IRAG2: variants seen among roughly 807,000 people sequenced by gnomAD.
IRAG2 encodes the protein lymphoid restricted membrane protein.
A neutral mutation model predicts 69.9 loss-of-function variants in IRAG2; 45 were observed. The observed-to-expected ratio is 0.64, with a 90% CI of 0.51 to 0.83. IRAG2 has a LOEUF of 0.83. Ranked by LOEUF, IRAG2 falls within the 40% of genes least tolerant of loss-of-function variation. IRAG2 has a pLI of 0.00. For synonymous variants in IRAG2, 193 were observed against 202.4 expected (o/e 0.95, Z 0.40); for missense variants, 520 against 587.0 (o/e 0.89, Z 1.18).
intron 11 of IRAG2, 46 bp from the exon 12 acceptor site, chr12:25,089,568 A>G (rs751928216): frequency 4.3e-5 from 50 of 1,165,086 alleles, no homozygotes; most frequent in Non-Finnish European, 5.8e-5. Flanking sequence ...GTGCTTTTAC[A>G]GGTCAAGCCT....
At chr12:25,069,580 A>G in intron 6 of IRAG2, 149 bp downstream of exon 6, 1 of 669,304 alleles carries the variant, frequency 1.5e-6, no homozygotes, top group South Asian at 2.1e-5. Flanking sequence ...CAAAACTCAG[A>G]TGCATGAGAA....
chr12:25,008,713 TG>T (rs1216970977), intron 2 of IRAG2, among the ~76,000 whole-genome samples: 1 of 152,196 alleles, frequency 6.6e-6, no homozygotes, highest in Non-Finnish European at 1.5e-5. Flanking sequence ...CACTCCAGCC[TG>T]GGAGACAAAG....
intron 16 of IRAG2, among the ~76,000 whole-genome samples, chr12:25,038,680 T>C (rs1944723259): frequency 1.3e-5 from 2 of 151,746 alleles, no homozygotes; most frequent in South Asian, 4.2e-4. Context: ...GTATACTGAG[T>C]TATTTTTTCC....
At chr12:25,076,431 G>C (rs1946693491) in intron 6 of IRAG2, 1 of 982,020 alleles carries the variant, frequency 1.0e-6, no homozygotes, top group Admixed American at 6.2e-5. Context: ...TAGGGCAAAT[G>C]AGACTGATAT....
At chr12:25,065,793 C>G (rs1010697708) in intron 4 of IRAG2, among the ~76,000 whole-genome samples, 1 of 152,210 alleles carries the variant, frequency 6.6e-6, no homozygotes, top group Non-Finnish European at 1.5e-5. Flanking sequence ...CCTTAGCCCC[C>G]CAAGTAGCTG....
At chr12:25,035,824 T>A (rs908668471) in intron 14 of IRAG2, 1 of 398,748 alleles carries the variant, frequency 2.5e-6, no homozygotes, top group Non-Finnish European at 4.4e-6. Context: ...GTGTTCCGTT[T>A]TGGCTGGCAA....
rs1944417804 is a variant in IRAG2, at chr12:25,004,705, A to T, written c.364A>T (p.Lys122Ter). ...TCTCACAAGTTCTGAAAACGTCTCA[A>T]AGCCGAAGTCACAGAGCAACAAGAA... is the stretch of plus-strand genomic sequence containing the variant. Residue 122 changes from lysine to a stop codon, truncating the protein, a stop_gained, in exon 1 of 39, where the codon AAG becomes TAG. Transcript: ENST00000636465. LOFTEE classifies it high-confidence loss of function. 1.6e-5 allele frequency: 20 copies of T among 1,232,162 alleles called. No individual in the cohort carries two copies. The highest frequency in any genetic ancestry group is 2.0e-5 in the Non-Finnish European group (20 of 987,948). 76.3% of individuals were successfully genotyped at this position (1,232,162 alleles called of 1,614,324 possible). A position where few individuals can be genotyped will look rare whatever the true frequency, so the allele number is the denominator to read the frequency against.
In IRAG2 at chr12:25,088,184, T is replaced by A. The variant is rs753379281; in HGVS notation, c.373+27T>A. The A allele has an allele frequency of 9.5e-6, 15 of 1,572,092 alleles. No individual in the cohort carries two copies. In the East Asian group the frequency reaches 3.4e-4, roughly 35 times the overall value. ...TAAGGAATGTTTCTTTCAATCCCCA[T>A]GTGAACTTTTGTTCTCTGCTGATAT... On this transcript the variant is annotated intron_variant, in intron 11 of 21. Coordinates refer to ENST00000556887, the MANE Select transcript of IRAG2 (RefSeq NM_001366544.2).
chr12:25,015,158 T>C, intron 3 of IRAG2: 1 of 858,310 alleles, frequency 1.2e-6, no homozygotes, highest in East Asian at 5.6e-5. Flanking sequence ...TGGTTTTGTT[T>C]TTTTTTTTTT....
At chr12:25,088,192 T>G in intron 11 of IRAG2, 35 bp downstream of exon 11, 1 of 1,543,278 alleles carries the variant, frequency 6.5e-7, no homozygotes, top group Non-Finnish European at 9.0e-7. Flanking sequence ...CATGTGAACT[T>G]TTGTTCTCTG....
At chr12:25,077,931 G>A (rs1192954142) in intron 6 of IRAG2, among the ~76,000 whole-genome samples, 1 of 152,160 alleles carries the variant, frequency 6.6e-6, no homozygotes, top group African/African-American at 2.4e-5. Context: ...CATCTTACAA[G>A]TCTACATTAA....
At position 25,033,209 on chromosome 12, in the gene IRAG2, C is replaced by T. The variant is rs146342066; in HGVS notation, c.1644-639C>T. Among the ~76,000 whole-genome samples the T allele has an allele frequency of 7.4e-3, 1,123 of 152,170 alleles. 14 individuals are homozygous for T. The highest frequency in any genetic ancestry group is 0.026 in the African/African-American group (1,061 of 41,486). On this transcript the variant is annotated intron_variant, in intron 12 of 38. Transcript: ENST00000636465. ...TGACTTCATGATCTGCCTGCCTCGG[C>T]CTCTCAAAGTGCTGGGATTACAGGT...
chr12:25,026,796 A>C, exon 9 of IRAG2: 1 of 1,221,362 alleles, frequency 8.2e-7, no homozygotes, highest in Non-Finnish European at 1.0e-6. Context: ...TAGAATTTCA[A>C]GAACATCATG....
At chr12:25,064,164 C>T (rs1385564019) in intron 4 of IRAG2, among the ~76,000 whole-genome samples, 1 of 152,152 alleles carries the variant, frequency 6.6e-6, no homozygotes, top group Non-Finnish European at 1.5e-5. Flanking sequence ...AAGTAGCTCA[C>T]AGACTAGCAA....
rs770095792 is a variant in IRAG2 at position 25,107,956 on chromosome 12, TCTGTGGATGCCGCTCCCAC to T, written c.1397_1415del (p.Ser466TyrfsTer10). 1 of 1,614,150 alleles carries T rather than the reference TCTGTGGATGCCGCTCCCAC, an allele frequency of 6.2e-7. No individual in the cohort carries two copies. Among genetic ancestry groups the T allele is most frequent in the Non-Finnish European group, 8.5e-7 (1 of 1,180,032 alleles). On this transcript the variant is annotated frameshift_variant, in exon 22 of 22. Coordinates refer to ENST00000556887, the MANE Select transcript of IRAG2 (RefSeq NM_001366544.2). LOFTEE classifies it high-confidence loss of function. The stretch of plus-strand genomic sequence containing the variant: ...CCTCACAGGCCAATTATTCCAGAAG[TCTGTGGATGCCGCTCCCAC>T]ACAGCAAGAGGACTCATGGACGTCT...
At chr12:25,039,777 C>A (rs1046564238) in intron 16 of IRAG2, among the ~76,000 whole-genome samples, 1 of 152,138 alleles carries the variant, frequency 6.6e-6, no homozygotes, top group East Asian at 1.9e-4. Context: ...GAGGTCTGCA[C>A]TAATGTCATC....
chr12:25,054,498 T>A (rs1945100964), intron 1 of IRAG2, among the ~76,000 whole-genome samples: 1 of 152,230 alleles, frequency 6.6e-6, no homozygotes, highest in Non-Finnish European at 1.5e-5. Flanking sequence ...TTTAATAACT[T>A]ACCCCAAAGT....
At chr12:25,067,840 G>GT (rs1322913100) in intron 5 of IRAG2, among the ~76,000 whole-genome samples, 1 of 151,482 alleles carries the variant, frequency 6.6e-6, no homozygotes, top group Non-Finnish European at 1.5e-5. Context: ...GCTAATTTTT[G>GT]TTTTTTTGTT....
chr12:25,052,204 CTTTTTTTTTT>C (rs10690368), upstream of IRAG2: 3 of 276,912 alleles, frequency 1.1e-5, no homozygotes, highest in Middle Eastern at 9.1e-4. Flanking sequence ...GCGGTTTGGA[CTTTTTTTTTT>C]TTTTTTTTTT....
Sources: allele counts gnomAD v4.1 joint callset (sites outside exome capture counted in the v4.1 genomes callset), GRCh38; gene constraint gnomAD v4.1.1; transcripts MANE v1.5; gene names NCBI Gene and HGNC (gene_info 2026-07-23, HGNC 2026-07-21).